The following KCNQ2 variants were observed in gnomAD, a reference collection of about 807,000 sequenced individuals.
The protein encoded by KCNQ2 is potassium voltage-gated channel subfamily KQT member 2.
A neutral mutation model predicts 84.8 loss-of-function variants in KCNQ2; 14 were observed. That is an observed-to-expected ratio of 0.17 (90% CI 0.11 to 0.26). KCNQ2 has a LOEUF of 0.26. Ranked by LOEUF, KCNQ2 falls within the 10% of genes least tolerant of loss-of-function variation. The probability of loss-of-function intolerance (pLI) is 1.00; values close to 1 mark genes in which losing one functional copy is unlikely to be tolerated. For synonymous variants in KCNQ2, 599 were observed against 554.1 expected, an observed-to-expected ratio of 1.08 and a Z score of -1.14; for missense variants, 788 against 1,254.0, an observed-to-expected ratio of 0.63 and a Z score of 5.61.
intron 14 of KCNQ2, among the ~76,000 whole-genome samples, 198 bp downstream of exon 14, chr20:63,413,890 C>T (rs1241577508): frequency 1.3e-5 from 2 of 152,220 alleles, no homozygotes; most frequent in South Asian, 2.1e-4. Context: ...GCATCCCACC[C>T]GAAACCCGCC....
At chr20:63,409,735 GCCT>G (rs1298076976) in intron 15 of KCNQ2, among the ~76,000 whole-genome samples, 1 of 152,076 alleles carries the variant, frequency 6.6e-6, no homozygotes, top group Admixed American at 6.5e-5. Flanking sequence ...TGCCCTACCT[GCCT>G]CTGATGGTGG....
chr20:63,440,065 A>G (rs369091922), intron 5 of KCNQ2, among the ~76,000 whole-genome samples: 3 of 152,202 alleles, frequency 2.0e-5, no homozygotes, highest in African/African-American at 7.2e-5. Flanking sequence ...GAGTGCCCAG[A>G]GGGACCCAGA....
chr20:63,409,993 G>C, intron 15 of KCNQ2: 1 of 295,038 alleles, frequency 3.4e-6, no homozygotes, highest in Non-Finnish European at 6.6e-6. Context: ...GGGTGGGCCA[G>C]GGGTGTTATC....
At position 63,438,798 on chromosome 20, in the gene KCNQ2, GC is replaced by G; in HGVS notation, c.928-79del. ...CATCAGGGTCAGACCATGCTCTGGG[GC>G]CCCACACCCCCCCCAATTCATCAGG... On this transcript the variant is annotated intron_variant, in intron 6 of 16. Coordinates refer to ENST00000359125, the MANE Select transcript of KCNQ2 (RefSeq NM_172107.4). This position sits in a 1 kb window ranked among gnomAD's most constrained non-coding sequence, Gnocchi z 5.1. The G allele has an allele frequency of 1.6e-6, 2 of 1,218,772 alleles. No homozygotes were observed. The highest frequency in any genetic ancestry group is 2.4e-6 in the Non-Finnish European group (2 of 839,942). The allele number at this position is 1,218,772 out of a possible 1,614,324, so 75.5% of individuals were successfully genotyped here. A position where few individuals can be genotyped will look rare whatever the true frequency, so the allele number is the denominator to read the frequency against.
rs2081065907 is a variant in KCNQ2, at chr20:63,438,407, G to A, written c.1023+218C>T. On this transcript the variant is annotated intron_variant, in intron 7 of 16. Transcript: ENST00000359125. This position sits in a 1 kb window ranked among gnomAD's most constrained non-coding sequence, Gnocchi z 5.1. ...CACACAAGGCAAGGGCCACCCCAGC[G>A]TCCTCACACGAGCCACCCCTGTGCA... The A allele has an allele frequency of 8.1e-6, 5 of 617,548 alleles. No homozygotes were observed. Among genetic ancestry groups the A allele is most frequent in the South Asian group, 3.7e-5 (2 of 53,994 alleles). 38.3% of individuals were successfully genotyped at this position (617,548 alleles called of 1,614,324 possible). A position where few individuals can be genotyped will look rare whatever the true frequency, so the allele number is the denominator to read the frequency against.
In KCNQ2 at chr20:63,472,428, G is replaced by A. The variant is rs760921944; in HGVS notation, c.36C>T (p.Pro12=). ...VQKSRNGGVY[P]GPSGEKKLKV... ...TCAGCTTCTTCTCCCCGCTCGGGCC[G>A]GGGTATACGCCGCCGTTGCGCGACT... Residue 12 remains proline, a synonymous_variant, in exon 1 of 17, where the codon CCC becomes CCT. Transcript: ENST00000359125. 3 of 1,536,716 alleles carry A rather than the reference G, an allele frequency of 2.0e-6. No homozygotes were observed. Among genetic ancestry groups the A allele is most frequent in the Non-Finnish European group, 1.7e-6 (2 of 1,147,334 alleles).
chr20:63,408,184 T>C lies in KCNQ2; in HGVS notation c.1887+229A>G. ...CCCCACCCAGGACTCCTGGGGACTT[T>C]GGCCCTTGGGTACTGTCAGGAGGGA... On this transcript the variant is annotated intron_variant, in intron 16 of 16. Coordinates refer to ENST00000359125, the MANE Select transcript of KCNQ2 (RefSeq NM_172107.4). This position sits in a 1 kb window ranked among gnomAD's most constrained non-coding sequence, Gnocchi z 5.0. 1 of 561,888 alleles carries C rather than the reference T, an allele frequency of 1.8e-6. No homozygotes were observed. The highest frequency in any genetic ancestry group is 3.2e-6 in the Non-Finnish European group (1 of 313,842). The allele number at this position is 561,888 out of a possible 1,614,324, so 34.8% of individuals were successfully genotyped here.
rs897579052 is a variant in KCNQ2 at position 63,405,409 on chromosome 20, T to G, written c.*1235A>C. 6.6e-6 allele frequency: 1 copy of G among 152,244 alleles called. No individual in the cohort carries two copies. The highest frequency in any genetic ancestry group is 1.5e-5 in the Non-Finnish European group (1 of 68,136). The allele number at this position is 152,244 out of a possible 1,614,324, so 9.4% of individuals were successfully genotyped here. On this transcript the variant is annotated 3_prime_UTR_variant, in exon 17 of 17. Coordinates refer to ENST00000359125, the MANE Select transcript of KCNQ2 (RefSeq NM_172107.4). ...CCACAACAGGACGGGCATGGGACGG[T>G]GCACCCGAGGCCCGAGACCCCAAGA...
At chr20:63,442,893 CCACCAT>C (rs1394834454) in intron 4 of KCNQ2, among the ~76,000 whole-genome samples, 896 of 6,024 alleles carry the variant, frequency 0.15, 32 homozygotes, top group East Asian at 0.35. Flanking sequence ...ACCACCATCA[CCACCAT>C]CACCACCACC....
intron 6 of KCNQ2, among the ~76,000 whole-genome samples, chr20:63,439,200 C>T (rs1418321367): frequency 1.3e-5 from 2 of 152,232 alleles, no homozygotes; most frequent in Non-Finnish European, 2.9e-5. Flanking sequence ...CAAGGGTTGA[C>T]AGGGCCCCTC....
intron 4 of KCNQ2, 119 bp from the exon 5 acceptor site, chr20:63,442,650 TCACCACCACCATCACCACCAC>T: frequency 1.4e-6 from 1 of 730,226 alleles, no homozygotes; most frequent in Admixed American, 2.5e-5. Context: ...ACCAAAACCA[TCACCACCACCATCACCACCAC>T]CACCACCACC....
chr20:63,414,503 G>A lies in KCNQ2; in HGVS notation c.1526-310C>T, dbSNP rs2080224827. ...TGTTAACGGCGGAAGGTGCAGGCCT[G>A]ACATCTGAGGCTCAGTGAAGGAAGC... On this transcript the variant is annotated intron_variant, in intron 13 of 16. Coordinates refer to ENST00000359125, the MANE Select transcript of KCNQ2 (RefSeq NM_172107.4). This position sits in a 1 kb window ranked among gnomAD's most constrained non-coding sequence, Gnocchi z 6.6. 6.6e-6 allele frequency among the ~76,000 whole-genome samples: 1 copy of A among 152,140 alleles called. No homozygotes were observed. The highest frequency in any genetic ancestry group is 2.1e-4 in the South Asian group (1 of 4,822).
chr20:63,466,704 T>C (rs1318961315), intron 1 of KCNQ2: 1 of 152,220 alleles, frequency 6.6e-6, no homozygotes. Context: ...AACTCGGGTC[T>C]AGGAGCCCGA....
At chr20:63,416,814 C>G (rs1404035003) in intron 12 of KCNQ2, among the ~76,000 whole-genome samples, 1 of 152,194 alleles carries the variant, frequency 6.6e-6, no homozygotes, top group Non-Finnish European at 1.5e-5. Flanking sequence ...GCCCACCGCG[C>G]CCGTCTGCCT....
At chr20:63,413,321 G>A (rs1404999358) in intron 15 of KCNQ2, 129 bp downstream of exon 15, 7 of 1,036,594 alleles carry the variant, frequency 6.8e-6, no homozygotes, top group Non-Finnish European at 1.0e-5. Flanking sequence ...AGCTGACAGA[G>A]GCCGACGTGG....
chr20:63,414,300 G>A lies in KCNQ2; in HGVS notation c.1526-107C>T, dbSNP rs76685684. The stretch of plus-strand genomic sequence containing the variant: ...ACAGAGCGCCAGGGAGCCCCTCGAG[G>A]CTCCCTGTGGTGCCCCTCGGGTGCA... On this transcript the variant is annotated intron_variant, in intron 13 of 16. Coordinates refer to ENST00000359125, the MANE Select transcript of KCNQ2 (RefSeq NM_172107.4). This position sits in a 1 kb window ranked among gnomAD's most constrained non-coding sequence, Gnocchi z 6.6. The A allele has an allele frequency of 0.023, 18,235 of 800,806 alleles. 308 individuals carry two copies. The highest frequency in any genetic ancestry group is 0.03 in the Non-Finnish European group (14,173 of 470,114). The allele number at this position is 800,806 out of a possible 1,614,324, so 49.6% of individuals were successfully genotyped here. A position where few individuals can be genotyped will look rare whatever the true frequency, so the allele number is the denominator to read the frequency against.
At chr20:63,440,815 C>T (rs1028969172) in intron 5 of KCNQ2, among the ~76,000 whole-genome samples, 4 of 152,010 alleles carry the variant, frequency 2.6e-5, no homozygotes, top group Admixed American at 6.5e-5. Flanking sequence ...CACCACCACG[C>T]GGAGCGCACA....
At chr20:63,443,385 C>CCATCAT (rs2081307773) in intron 4 of KCNQ2, among the ~76,000 whole-genome samples, 1 of 63,720 alleles carries the variant, frequency 1.6e-5, no homozygotes, top group African/African-American at 5.9e-5. Context: ...ACCATCATCA[C>CCATCAT]CACCACCATC....
Position 63,419,537 on chromosome 20 carries a change from C to A in KCNQ2, c.1301+82G>T, listed in dbSNP as rs2080402211. 2.1e-6 allele frequency: 3 copies of A among 1,424,752 alleles called. No homozygotes were observed. In the Admixed American group the frequency reaches 5.9e-5, roughly 28 times the overall value. 88.3% of individuals were successfully genotyped at this position (1,424,752 alleles called of 1,614,324 possible). A position where few individuals can be genotyped will look rare whatever the true frequency, so the allele number is the denominator to read the frequency against. ...GGTTGGGGCGCCAGCCTCCCCCTGG[C>A]TCCTCCAGAACCTCTAGTAAGCAGG... On this transcript the variant is annotated intron_variant, in intron 12 of 16. Transcript: ENST00000359125.
Sources: gnomAD v4.1 joint callset for allele counts (sites outside exome capture counted in the v4.1 genomes callset) on GRCh38, gnomAD v4.1.1 for gene constraint, Gnocchi (gnomAD v3.1) non-coding constraint, MANE v1.5 for transcripts, NCBI Gene and HGNC (gene_info 2026-07-23, HGNC 2026-07-21) for gene names.